The following ANKHD1 variants were observed in gnomAD, a reference collection of about 807,000 sequenced individuals.
ANKHD1 encodes the protein ankyrin repeat and KH domain-containing protein 1.
Under a neutral mutation model 230.5 loss-of-function variants are expected in ANKHD1, and 31 were observed. That is an observed-to-expected ratio of 0.13 (90% CI 0.10 to 0.18). The LOEUF is 0.18. Among genes scored for constraint, ANKHD1 ranks in the 10% least tolerant of loss-of-function variants. The pLI, the probability that ANKHD1 is intolerant of heterozygous loss-of-function variation, is 1.00. For synonymous variants in ANKHD1, 1,074 were observed against 1,117.6 expected, an observed-to-expected ratio of 0.96 and a Z score of 0.78; for missense variants, 2,256 against 3,071.3, an observed-to-expected ratio of 0.73 and a Z score of 6.27.
intron 7 of ANKHD1, among the ~76,000 whole-genome samples, chr5:140,453,388 A>G (rs188504752): frequency 6.6e-6 from 1 of 152,202 alleles, no homozygotes; most frequent in African/African-American, 2.4e-5. Flanking sequence ...CCTTGAGAAG[A>G]GCAGCTCCAG....
intron 1 of ANKHD1, among the ~76,000 whole-genome samples, chr5:140,406,215 G>A (rs1193399353): frequency 6.6e-6 from 1 of 151,292 alleles, no homozygotes; most frequent in African/African-American, 2.4e-5. Context: ...TCCAGGCAGG[G>A]TGACAGAGAG....
chr5:140,435,056 C>G (rs897544615), intron 1 of ANKHD1, among the ~76,000 whole-genome samples: 3 of 152,162 alleles, frequency 2.0e-5, no homozygotes, highest in Non-Finnish European at 1.5e-5. Flanking sequence ...TTCATTTCAA[C>G]AAGTATGTAT....
At chr5:140,448,342 A>G (rs1169410976) in intron 6 of ANKHD1, among the ~76,000 whole-genome samples, 1 of 152,190 alleles carries the variant, frequency 6.6e-6, no homozygotes, top group Non-Finnish European at 1.5e-5. Context: ...CACTGATCAC[A>G]TCCTTGTGCA....
chr5:140,528,374 G>A lies in ANKHD1; in HGVS notation c.5428G>A (p.Gly1810Ser), dbSNP rs1476565547. Reference protein sequence around the residue: ...AASSKNAFPLGAPTLVTSQAT... With the variant: ...AASSKNAFPLSAPTLVTSQAT... ...TTCCAGTAAAAATGCATTTCCTTTG[G>A]GTGCTCCAACTCTTGTAACTTCACA... is the stretch of plus-strand genomic sequence containing the variant. The change falls in exon 29 of 34, where the codon GGT becomes AGT. Residue 1810 changes from glycine to serine, a missense_variant. This residue lies in a region of ANKHD1 where 778 missense variants were observed against 966.5 expected (regional missense o/e 0.80). Coordinates refer to ENST00000360839, the MANE Select transcript of ANKHD1 (RefSeq NM_017747.3). 6.2e-7 allele frequency: 1 copy of A among 1,613,886 alleles called. No individual in the cohort carries two copies. The highest frequency in any genetic ancestry group is 2.2e-5 in the East Asian group (1 of 44,866).
chr5:140,504,881 C>A lies in ANKHD1; in HGVS notation c.3065C>A (p.Thr1022Lys), dbSNP rs2127051238. Residue 1022 changes from threonine (T) to lysine (K), a missense_variant, in exon 16 of 34, where the codon ACA (threonine) becomes AAA (lysine). Physicochemically the swap from Thr to Lys is moderately conservative, Grantham distance 78. Transcript: ENST00000360839. Reference protein sequence around the residue: ...NSSSQTTECLTPESCSQTTSN... With the variant: ...NSSSQTTECLKPESCSQTTSN... ...TCTTCTCAGACCACAGAGTGTCTTA[C>A]ACCTGAATCCTGTTCGCAGACTACA... 3.1e-6 allele frequency: 5 copies of A among 1,614,190 alleles called. No homozygotes were observed. The highest frequency in any genetic ancestry group is 4.2e-6 in the Non-Finnish European group (5 of 1,180,036).
At chr5:140,439,858 A>G (rs1773727426) in intron 3 of ANKHD1, among the ~76,000 whole-genome samples, 1 of 152,168 alleles carries the variant, frequency 6.6e-6, no homozygotes, top group Admixed American at 6.5e-5. Context: ...TTTATTTAAA[A>G]TTTGTTGTAA....
chr5:140,411,485 C>A (rs1770914027), intron 1 of ANKHD1, among the ~76,000 whole-genome samples: 1 of 141,906 alleles, frequency 7.0e-6, no homozygotes, highest in Admixed American at 7.1e-5. Context: ...CATAGTTGAT[C>A]TTGTTGGAAA....
Position 140,402,119 on chromosome 5 carries a change from G to C in ANKHD1, c.152G>C (p.Gly51Ala), listed in dbSNP as rs754942185. The part of the protein sequence containing the change: ...IRTVRLFGEA[G>A]PASGVGSSGG... Reference sequence around the variant, plus strand: ...ACCGTGAGGCTCTTTGGGGAGGCCGGGCCAGCGTCGGGAGTCGGCAGCAGC... The same window carrying C: ...ACCGTGAGGCTCTTTGGGGAGGCCGCGCCAGCGTCGGGAGTCGGCAGCAGC... The change falls in exon 1 of 34, where the codon GGG becomes GCG. Residue 51 changes from glycine (G) to alanine (A), a missense_variant. By Grantham distance (60) the Gly-to-Ala change is moderately conservative. Transcript: ENST00000360839. 10 of 1,540,846 alleles carry C rather than the reference G, an allele frequency of 6.5e-6. No homozygotes were observed. Among genetic ancestry groups the C allele is most frequent in the Non-Finnish European group, 7.0e-6 (8 of 1,147,744 alleles).
intron 15 of ANKHD1, 182 bp from the exon 16 acceptor site, chr5:140,504,639 C>A: frequency 3.8e-6 from 3 of 797,004 alleles, no homozygotes; most frequent in Non-Finnish European, 3.7e-6. Flanking sequence ...AAATTACTTG[C>A]CCAAGATCAG....
chr5:140,458,981 C>CATATATATATATATATGCATAT (rs1335940395), intron 8 of ANKHD1, 119 bp downstream of exon 8: 2 of 22,832 alleles, frequency 8.8e-5, no homozygotes, highest in African/African-American at 2.3e-4. Flanking sequence ...TATATATATG[C>CATATATATATATATATGCATAT]ATATATATAT....
chr5:140,509,882 T>C, intron 21 of ANKHD1, 70 bp downstream of exon 21: 1 of 1,555,452 alleles, frequency 6.4e-7, no homozygotes, highest in South Asian at 1.2e-5. Context: ...TTAAAGTTAA[T>C]AACATTGTTT....
At chr5:140,520,865 G>C (rs1043145087) in intron 24 of ANKHD1, among the ~76,000 whole-genome samples, 4 of 150,078 alleles carry the variant, frequency 2.7e-5, no homozygotes, top group Admixed American at 6.7e-5. Flanking sequence ...CACCAGCATG[G>C]CACATGTATA....
In ANKHD1 at chr5:140,482,610, T is replaced by C. The variant is rs751575792; in HGVS notation, c.1813T>C (p.Leu605=). 16 of 1,612,996 alleles carry C rather than the reference T, an allele frequency of 9.9e-6. No homozygotes were observed. Among genetic ancestry groups the C allele is most frequent in the African/African-American group, 2.7e-5 (2 of 74,998 alleles). The change falls in exon 11 of 34, where the codon TTG becomes CTG. Residue 605 remains leucine (L), a synonymous_variant. Transcript: ENST00000360839. ...TGAATCTGAAGGTGGAAGAACACCT[T>C]TGATGAAAGCTGCAAGAGCTGGTCA... ...EHESEGGRTP[L]MKAARAGHLC...
At chr5:140,416,156 A>G (rs1310271870) in intron 1 of ANKHD1, among the ~76,000 whole-genome samples, 1 of 152,224 alleles carries the variant, frequency 6.6e-6, no homozygotes, top group Admixed American at 6.5e-5. Context: ...CATGGTGTGC[A>G]TGTGGTACAT....
At chr5:140,508,029 G>T in intron 20 of ANKHD1, 31 bp downstream of exon 20, 1 of 1,591,600 alleles carries the variant, frequency 6.3e-7, no homozygotes, top group Non-Finnish European at 8.6e-7. Flanking sequence ...AACTATTTCA[G>T]ATACATTTCT....
At chr5:140,438,743 T>A in intron 3 of ANKHD1, 126 bp downstream of exon 3, 1 of 1,243,130 alleles carries the variant, frequency 8.0e-7, no homozygotes, top group Non-Finnish European at 1.1e-6. Flanking sequence ...TATTACATTT[T>A]AAGTGGATAT....
chr5:140,460,273 A>G (rs1009943499), intron 9 of ANKHD1, among the ~76,000 whole-genome samples: 4 of 146,300 alleles, frequency 2.7e-5, no homozygotes, highest in Non-Finnish European at 6.2e-5. Flanking sequence ...GAACATACTA[A>G]AAAAAAAATT....
chr5:140,483,840 C>G (rs1440044302), intron 11 of ANKHD1, among the ~76,000 whole-genome samples: 1 of 152,074 alleles, frequency 6.6e-6, no homozygotes, highest in Non-Finnish European at 1.5e-5. Flanking sequence ...ATTTTTGCTG[C>G]CAAGTAAGGC....
rs545686677 is a variant in ANKHD1, at chr5:140,491,668, T to C, written c.2245+4608T>C. On this transcript the variant is annotated intron_variant, in intron 14 of 33. Transcript: ENST00000360839. ...CAGTGACGAATATCCTGATTGCCTC[T>C]ATTTTCTCACCCCCACTAACAATGC... Among the ~76,000 whole-genome samples, 14 of 152,298 alleles carry C rather than the reference T, an allele frequency of 9.2e-5. No homozygotes were observed. The South Asian group carries it at 2.7e-3, about 29-fold the overall frequency.
Sources: allele counts gnomAD v4.1 joint callset (sites outside exome capture counted in the v4.1 genomes callset), GRCh38; gene constraint gnomAD v4.1.1; regional missense constraint gnomAD v4.1.1; transcripts MANE v1.5; gene names NCBI Gene and HGNC (gene_info 2026-07-23, HGNC 2026-07-21).